Variants in KLHL7 observed in about 807,000 individuals in gnomAD.
KLHL7 encodes kelch like family member 7, also known as kelch-like protein 7.
In KLHL7, 44 loss-of-function variants were observed where a neutral mutation model predicts 67.4. That is an observed-to-expected ratio of 0.65 (90% confidence interval 0.51 to 0.84). The LOEUF (loss-of-function observed/expected upper bound fraction) is 0.84, where lower values mean the gene tolerates loss of function less well. Among genes scored for constraint, KLHL7 ranks in the 40% least tolerant of loss-of-function variants. KLHL7 has a pLI of 0.00. For synonymous variants in KLHL7, 252 were observed against 243.3 expected (o/e 1.04, Z -0.33); for missense variants, 362 against 718.1 (o/e 0.50, Z 5.67).
chr7:23,132,160 G>A (rs1022089930), intron 4 of KLHL7, among the ~76,000 whole-genome samples: 9 of 152,128 alleles, frequency 5.9e-5, no homozygotes, highest in Admixed American at 5.9e-4. Flanking sequence ...TTTCTTTTGG[G>A]TATATACCCA....
intron 8 of KLHL7, among the ~76,000 whole-genome samples, chr7:23,167,180 T>A (rs761783762): frequency 4.0e-4 from 61 of 152,028 alleles, no homozygotes; most frequent in Non-Finnish European, 8.5e-4. Context: ...ATTTCTAAAA[T>A]TTTTTATTGA....
chr7:23,138,359 G>A (rs1784055908), intron 4 of KLHL7, among the ~76,000 whole-genome samples: 1 of 150,568 alleles, frequency 6.6e-6, no homozygotes, highest in Admixed American at 6.6e-5. Flanking sequence ...CTACTTGGGA[G>A]GCTGAGGTAG....
chr7:23,165,201 AAATT>A (rs1784965897), intron 7 of KLHL7, among the ~76,000 whole-genome samples: 1 of 152,262 alleles, frequency 6.6e-6, no homozygotes, highest in South Asian at 2.1e-4. Flanking sequence ...TCAATATAGA[AAATT>A]AATAAAGAAG....
intron 1 of KLHL7, among the ~76,000 whole-genome samples, chr7:23,120,011 ATTT>A (rs893086147): frequency 6.6e-6 from 1 of 151,848 alleles, no homozygotes; most frequent in African/African-American, 2.4e-5. Context: ...TTTTATTATT[ATTT>A]TATTTATTTT....
At chr7:23,138,450 A>G (rs1174702991) in intron 4 of KLHL7, among the ~76,000 whole-genome samples, 1 of 135,548 alleles carries the variant, frequency 7.4e-6, no homozygotes, top group Non-Finnish European at 1.6e-5. Context: ...CGACAGAGCA[A>G]GACTCCATCT....
At chr7:23,128,420 T>C (rs1284743790) in intron 4 of KLHL7, among the ~76,000 whole-genome samples, 1 of 96,090 alleles carries the variant, frequency 1.0e-5, no homozygotes, top group African/African-American at 5.4e-5. Flanking sequence ...CTTCTTTGGG[T>C]TTAAAAAAAA....
At position 23,175,720 on chromosome 7, in the gene KLHL7, G is replaced by C. The variant is rs1183805241; in HGVS notation, c.*1422G>C. The C allele has an allele frequency of 5.1e-6, 1 of 197,126 alleles. No individual in the cohort carries two copies. Among genetic ancestry groups the C allele is most frequent in the African/African-American group, 2.4e-5 (1 of 41,646 alleles). The allele number at this position is 197,126 out of a possible 1,614,324, so 12.2% of individuals were successfully genotyped here. A position where few individuals can be genotyped will look rare whatever the true frequency, so the allele number is the denominator to read the frequency against. On this transcript the variant is annotated 3_prime_UTR_variant, in exon 11 of 11. Transcript: ENST00000339077. ...TCACGCCTGTAATCCCAGCACTTTG[G>C]GAGGCCAAGGTGGGTAGATCATTTG... is the stretch of plus-strand genomic sequence containing the variant.
At chr7:23,165,637 A>G (rs1784983055) in intron 7 of KLHL7, 61 bp from the exon 8 acceptor site, 2 of 1,575,328 alleles carry the variant, frequency 1.3e-6, no homozygotes, top group African/African-American at 1.3e-5. Flanking sequence ...GTATCTTTGC[A>G]TTGTCCTTTT....
At chr7:23,123,654 T>C (rs921157209) in intron 1 of KLHL7, 123 bp from the exon 2 acceptor site, 4 of 697,204 alleles carry the variant, frequency 5.7e-6, no homozygotes, top group Non-Finnish European at 1.0e-5. Context: ...AATTCTGCGC[T>C]GGAAAAAGAT....
At chr7:23,168,413 A>G (rs1785063895) in intron 9 of KLHL7, among the ~76,000 whole-genome samples, 1 of 152,202 alleles carries the variant, frequency 6.6e-6, no homozygotes, top group African/African-American at 2.4e-5. Flanking sequence ...AATATTAGAT[A>G]TTGGCTCATG....
intron 4 of KLHL7, among the ~76,000 whole-genome samples, chr7:23,130,555 T>C: frequency 6.6e-6 from 1 of 152,234 alleles, no homozygotes; most frequent in African/African-American, 2.4e-5. Flanking sequence ...TGAAAATACA[T>C]ATGTGCTGAG....
At chr7:23,144,644 C>T (rs954158903) in intron 6 of KLHL7, among the ~76,000 whole-genome samples, 1 of 152,186 alleles carries the variant, frequency 6.6e-6, no homozygotes, top group Admixed American at 6.5e-5. Flanking sequence ...AGCCATTTCA[C>T]TCCTCTCCTG....
Position 23,175,140 on chromosome 7 carries a change from G to C in KLHL7, c.*842G>C. On this transcript the variant is annotated 3_prime_UTR_variant, in exon 11 of 11. Transcript: ENST00000339077. ...AAGCACTGGTAGTTGTACAATATCA[G>C]TGTTGACTTTGAACTTCTTTAACGA... 1 of 454,046 alleles carries C rather than the reference G, an allele frequency of 2.2e-6. No homozygotes were observed. The highest frequency in any genetic ancestry group is 4.4e-6 in the Non-Finnish European group (1 of 226,762). 28.1% of individuals were successfully genotyped at this position (454,046 alleles called of 1,614,324 possible).
chr7:23,130,685 C>G (rs1783765413), intron 4 of KLHL7, among the ~76,000 whole-genome samples: 1 of 152,088 alleles, frequency 6.6e-6, no homozygotes, highest in Non-Finnish European at 1.5e-5. Context: ...TCATCTGTTA[C>G]TCAGGTTTAG....
At chr7:23,173,917 C>T (rs1785232836) in intron 10 of KLHL7, 98 bp from the exon 11 acceptor site, 1 of 1,242,386 alleles carries the variant, frequency 8.0e-7, no homozygotes, top group Non-Finnish European at 1.2e-6. Context: ...ACATTTTTCA[C>T]AATAAAATAT....
intron 1 of KLHL7, among the ~76,000 whole-genome samples, chr7:23,108,734 C>T (rs1037768998): frequency 2.0e-5 from 3 of 152,122 alleles, no homozygotes; most frequent in African/African-American, 7.2e-5. Context: ...AAGTCTGCAG[C>T]ACATCGGCAA....
intron 6 of KLHL7, among the ~76,000 whole-genome samples, chr7:23,150,550 A>G (rs948392448): frequency 5.3e-5 from 8 of 152,208 alleles, no homozygotes; most frequent in East Asian, 1.9e-4. Flanking sequence ...TAACAGCCAC[A>G]TATAATGTTC....
chr7:23,168,677 G>T (rs1785070540), intron 9 of KLHL7, among the ~76,000 whole-genome samples: 1 of 152,276 alleles, frequency 6.6e-6, no homozygotes, highest in Middle Eastern at 3.4e-3. Flanking sequence ...TGAGGGCACG[G>T]GTTGTGAGTA....
chr7:23,175,177 C>G lies in KLHL7; in HGVS notation c.*879C>G. On this transcript the variant is annotated 3_prime_UTR_variant, in exon 11 of 11. Transcript: ENST00000339077. ...AACTTCTTTAACGAGATCATGAATTCTTTTCCCTTAGCCAAAACATGAAAT... is the reference window on the plus strand; with the variant it reads ...AACTTCTTTAACGAGATCATGAATTGTTTTCCCTTAGCCAAAACATGAAAT... 2.2e-6 allele frequency: 1 copy of G among 454,076 alleles called. No homozygotes were observed. Among genetic ancestry groups the G allele is most frequent in the Non-Finnish European group, 4.4e-6 (1 of 226,756 alleles). The allele number at this position is 454,076 out of a possible 1,614,324, so 28.1% of individuals were successfully genotyped here.
Sources: gnomAD v4.1 joint callset for allele counts (sites outside exome capture counted in the v4.1 genomes callset) on GRCh38, gnomAD v4.1.1 for gene constraint, MANE v1.5 for transcripts, NCBI Gene and HGNC (gene_info 2026-07-23, HGNC 2026-07-21) for gene names.